The following ZNF33B variants were observed in gnomAD, a reference collection of about 807,000 sequenced individuals.
ZNF33B encodes the protein zinc finger protein 11b (KOX 2).
ZNF33B carries 29 observed loss-of-function variants against 45.8 expected under a neutral mutation model. That is an observed-to-expected ratio of 0.63 (90% confidence interval 0.47 to 0.86). The LOEUF is 0.86. ZNF33B is among the 40% of genes least tolerant of loss of function. The pLI is 0.00. For missense variants in ZNF33B, 831 were observed against 909.9 expected, an observed-to-expected ratio of 0.91 and a Z score of 1.12; for synonymous variants, 305 against 307.8, an observed-to-expected ratio of 0.99 and a Z score of 0.10.
chr10:42,599,872 T>C (rs528691577), intron 4 of ZNF33B, among the ~76,000 whole-genome samples: 1 of 152,252 alleles, frequency 6.6e-6, no homozygotes, highest in South Asian at 2.1e-4. Context: ...AAATTTCCCA[T>C]AAATTCCATT....
intron 4 of ZNF33B, among the ~76,000 whole-genome samples, chr10:42,631,192 T>C: frequency 6.6e-6 from 1 of 151,192 alleles, no homozygotes; most frequent in Non-Finnish European, 1.5e-5. Flanking sequence ...GACATAATTT[T>C]GTTTTTTTTT....
intron 4 of ZNF33B, among the ~76,000 whole-genome samples, chr10:42,607,075 T>C (rs1837891943): frequency 6.6e-6 from 1 of 152,144 alleles, no homozygotes; most frequent in African/African-American, 2.4e-5. Flanking sequence ...TCAGCCTGTA[T>C]AACAATGTAT....
At chr10:42,608,534 T>C (rs1045642766) in intron 4 of ZNF33B, among the ~76,000 whole-genome samples, 1 of 151,480 alleles carries the variant, frequency 6.6e-6, no homozygotes, top group South Asian at 2.1e-4. Context: ...ATATAATACA[T>C]TCCAAAGTTA....
intron 1 of ZNF33B, chr10:42,578,440 G>C (rs1836779370): frequency 6.6e-6 from 1 of 152,654 alleles, no homozygotes; most frequent in Non-Finnish European, 1.5e-5. Flanking sequence ...GCTCACTCAT[G>C]ATGCAACTGT....
At chr10:42,613,220 T>G (rs2132101645) in intron 4 of ZNF33B, among the ~76,000 whole-genome samples, 1 of 152,240 alleles carries the variant, frequency 6.6e-6, no homozygotes, top group South Asian at 2.1e-4. Context: ...ATTCTGGCAG[T>G]GCTATACATG....
At chr10:42,615,319 C>G (rs1838268071) in intron 4 of ZNF33B, among the ~76,000 whole-genome samples, 2 of 152,064 alleles carry the variant, frequency 1.3e-5, no homozygotes, top group South Asian at 4.1e-4. Context: ...GAACTAAAAC[C>G]AAATGTCCAT....
At chr10:42,596,690 T>A (rs1049752166) in intron 4 of ZNF33B, among the ~76,000 whole-genome samples, 15 of 152,034 alleles carry the variant, frequency 9.9e-5, no homozygotes, top group Admixed American at 4.6e-4. Flanking sequence ...TAAAAAAAAA[T>A]TTTTGATACT....
chr10:42,636,766 T>C (rs1412982438), intron 2 of ZNF33B, 154 bp downstream of exon 2: 1 of 967,332 alleles, frequency 1.0e-6, no homozygotes, highest in East Asian at 2.5e-5. Flanking sequence ...GTTGCAAGGT[T>C]GCAGTGAACA....
rs776277130 is a variant in ZNF33B, at chr10:42,593,429, G to T, written c.1521C>A (p.Tyr507Ter). ...YECNACGKTF[Y>*]HKSVLTRHQI... Reference sequence around the variant, plus strand: ...GATGCCTGGTGAGTACTGACTTGTGGTAGAAAGTTTTCCCACATGCATTAC... The same window carrying T: ...GATGCCTGGTGAGTACTGACTTGTGTTAGAAAGTTTTCCCACATGCATTAC... Residue 507 changes from tyrosine to a stop codon, truncating the protein, a stop_gained, in exon 5 of 5, where the codon TAC becomes TAA. Transcript: ENST00000359467. LOFTEE classifies it high-confidence loss of function. 6.2e-7 allele frequency: 1 copy of T among 1,614,004 alleles called. No homozygotes were observed. The highest frequency in any genetic ancestry group is 8.5e-7 in the Non-Finnish European group (1 of 1,179,996).
chr10:42,616,174 A>T (rs1457507845), intron 4 of ZNF33B, among the ~76,000 whole-genome samples: 2 of 152,044 alleles, frequency 1.3e-5, no homozygotes. Context: ...CAGAGGTTGC[A>T]GTGAGCTGAG....
chr10:42,594,565 C>G lies in ZNF33B; in HGVS notation c.385G>C (p.Asp129His). The G allele has an allele frequency of 6.2e-7, 1 of 1,613,470 alleles. No individual in the cohort carries two copies. Among genetic ancestry groups the G allele is most frequent in the Non-Finnish European group, 8.5e-7 (1 of 1,179,738 alleles). Residue 129 changes from aspartate to histidine, a missense_variant, in exon 5 of 5, where the codon GAC becomes CAC. Coordinates refer to ENST00000359467, the MANE Select transcript of ZNF33B (RefSeq NM_006955.3). Reference sequence around the variant, plus strand: ...TTTCTGGAAGGAAAAGAACTTACGTCCATGTTAAATGGTATTCCTATTACA... The same window carrying G: ...TTTCTGGAAGGAAAAGAACTTACGTGCATGTTAAATGGTATTCCTATTACA... ...GNVIGIPFNM[D>H]VSSFPSRKMF... is the part of the protein sequence containing the mutation.
Position 42,594,471 on chromosome 10 carries a change from A to C in ZNF33B, c.479T>G (p.Ile160Arg), listed in dbSNP as rs375234945. 3 of 1,613,442 alleles carry C rather than the reference A, an allele frequency of 1.9e-6. No homozygotes were observed. The highest frequency in any genetic ancestry group is 3.3e-5 in the Admixed American group (2 of 59,892). The part of the protein sequence containing the change: ...NTVSELVISK[I>R]NYLGKKSDEF... Reference sequence around the variant, plus strand: ...GTCAGACTTTTTTCCTAAATAGTTTATCTTACTGATAACCAATTCTGAAAC... The same window carrying C: ...GTCAGACTTTTTTCCTAAATAGTTTCTCTTACTGATAACCAATTCTGAAAC... Residue 160 changes from isoleucine (I) to arginine (R), a missense_variant, in exon 5 of 5, where the codon ATA becomes AGA. Coordinates refer to ENST00000359467, the MANE Select transcript of ZNF33B (RefSeq NM_006955.3).
intron 4 of ZNF33B, among the ~76,000 whole-genome samples, chr10:42,618,575 A>G (rs1838432124): frequency 6.6e-6 from 1 of 152,192 alleles, no homozygotes; most frequent in Non-Finnish European, 1.5e-5. Context: ...GTTTCTCTAA[A>G]TCTTCACCAG....
Position 42,605,433 on chromosome 10 carries a change from T to C in ZNF33B, c.251-10734A>G, listed in dbSNP as rs372683551. ...GGCCAGAAGGAGGCAGGATGACATA[T>C]TCAGTGTACTGAAAAAAAATTTTTG... On this transcript the variant is annotated intron_variant, in intron 4 of 4. Coordinates refer to ENST00000359467, the MANE Select transcript of ZNF33B (RefSeq NM_006955.3). Among the ~76,000 whole-genome samples the C allele has an allele frequency of 1.8e-4, 28 of 152,234 alleles. 1 individual carries two copies. The South Asian group carries it at 3.9e-3, about 21-fold the overall frequency.
intron 4 of ZNF33B, among the ~76,000 whole-genome samples, chr10:42,608,906 T>C (rs1307820637): frequency 6.7e-6 from 1 of 150,254 alleles, no homozygotes; most frequent in Non-Finnish European, 1.5e-5. Flanking sequence ...AAGATTCAAA[T>C]TACTAAATGT....
At chr10:42,631,283 G>A (rs1464519038) in intron 4 of ZNF33B, among the ~76,000 whole-genome samples, 2 of 152,000 alleles carry the variant, frequency 1.3e-5, no homozygotes, top group Non-Finnish European at 2.9e-5. Context: ...TCAGCTCACT[G>A]CAACCTCTGC....
rs1246428650 is a variant in ZNF33B, at chr10:42,638,464, G to A, written c.-45+10C>T. 7.5e-6 allele frequency: 3 copies of A among 398,528 alleles called. No homozygotes were observed. Among genetic ancestry groups the A allele is most frequent in the Admixed American group, 2.8e-5 (1 of 35,952 alleles). The allele number at this position is 398,528 out of a possible 1,614,324, so 24.7% of individuals were successfully genotyped here. On this transcript the variant is annotated intron_variant, in intron 1 of 4. Coordinates refer to ENST00000359467, the MANE Select transcript of ZNF33B (RefSeq NM_006955.3). Reference sequence around the variant, plus strand: ...CCCTCTCCGTCCCTGCCCAACCCGCGGAGGCTTACCTCACTCTCTCTTCGG... The same window carrying A: ...CCCTCTCCGTCCCTGCCCAACCCGCAGAGGCTTACCTCACTCTCTCTTCGG...
At chr10:42,594,810 T>G in intron 4 of ZNF33B, 111 bp from the exon 5 acceptor site, 3 of 1,201,414 alleles carry the variant, frequency 2.5e-6, no homozygotes, top group Non-Finnish European at 2.2e-6. Context: ...TTTTGGCCAA[T>G]TTCCAGAGAT....
rs760154801 is a variant in ZNF33B, at chr10:42,593,733, G to A, written c.1217C>T (p.Thr406Ile). The A allele has an allele frequency of 1.2e-6, 2 of 1,613,544 alleles. No individual in the cohort carries two copies. The highest frequency in any genetic ancestry group is 1.7e-6 in the Non-Finnish European group (2 of 1,179,752). Residue 406 changes from threonine to isoleucine, a missense_variant, in exon 5 of 5, where the codon ACA becomes ATA. Thr to Ile is a moderately conservative substitution (Grantham distance 89). Transcript: ENST00000359467. Reference sequence around the variant, plus strand: ...CTGATAGGGTTTCTCCCCTGTATGTGTTCTCTGGTGTAATGTGAGGGCTGA... The same window carrying A: ...CTGATAGGGTTTCTCCCCTGTATGTATTCTCTGGTGTAATGTGAGGGCTGA... ...HKSALTLHQRTHTGEKPYQCN... is the reference protein window; with the variant it reads ...HKSALTLHQRIHTGEKPYQCN...
Sources: gnomAD v4.1 joint callset for allele counts (sites outside exome capture counted in the v4.1 genomes callset) on GRCh38, gnomAD v4.1.1 for gene constraint, MANE v1.5 for transcripts, NCBI Gene and HGNC (gene_info 2026-07-23, HGNC 2026-07-21) for gene names.